ZNF18: variants seen among roughly 807,000 people sequenced by gnomAD.
ZNF18 encodes heart development-specific gene 1 protein.
A neutral mutation model predicts 58.1 loss-of-function variants in ZNF18; 42 were observed. The ratio of observed to expected loss-of-function variants is 0.72; its 90% CI spans 0.56 to 0.93. ZNF18 has a LOEUF of 0.93. Ranked by LOEUF, ZNF18 falls within the 40% of genes least tolerant of loss-of-function variation. The probability of loss-of-function intolerance (pLI) is 0.00; values close to 1 mark genes in which losing one functional copy is unlikely to be tolerated. For synonymous variants in ZNF18, 231 were observed against 239.8 expected (o/e 0.96, Z 0.34); for missense variants, 540 against 644.2 (o/e 0.84, Z 1.75).
chr17:11,998,822 C>CTTTT (rs71142260), upstream of ZNF18, among the ~76,000 whole-genome samples: 2 of 108,520 alleles, frequency 1.8e-5, no homozygotes, highest in African/African-American at 3.7e-5. Flanking sequence ...AGTTTCTAGT[C>CTTTT]TTTTTTTTTT....
the ZNF18 span, among the ~76,000 whole-genome samples, chr17:12,008,135 G>C: frequency 2.2e-3 from 329 of 152,240 alleles, 2 homozygotes; most frequent in African/African-American, 7.4e-3. Context: ...GAAGAGGCTG[G>C]TTACCCGGAA....
intron 4 of ZNF18, among the ~76,000 whole-genome samples, chr17:11,987,481 G>A (rs1967827180): frequency 6.6e-6 from 1 of 152,142 alleles, no homozygotes. Flanking sequence ...GTTTGGAGGG[G>A]ATATTCAGAT....
At chr17:11,980,513 C>A (rs1967270583) in intron 6 of ZNF18, among the ~76,000 whole-genome samples, 1 of 152,016 alleles carries the variant, frequency 6.6e-6, no homozygotes, top group South Asian at 2.1e-4. Context: ...CTCTGCCTCC[C>A]AGGTTCAAGC....
chr17:11,977,788 C>T lies in ZNF18; in HGVS notation c.*169G>A. ...AATTTAAGCCATTGTGCAATCCAATCCAAGATATCCTCCAAGTCCAAAGCC... is the reference window on the plus strand; with the variant it reads ...AATTTAAGCCATTGTGCAATCCAATTCAAGATATCCTCCAAGTCCAAAGCC... On this transcript the variant is annotated 3_prime_UTR_variant, in exon 7 of 7. Coordinates refer to ENST00000580306, the MANE Select transcript of ZNF18 (RefSeq NM_001303281.2). 1 of 733,052 alleles carries T rather than the reference C, an allele frequency of 1.4e-6. No individual in the cohort carries two copies. The highest frequency in any genetic ancestry group is 2.1e-6 in the Non-Finnish European group (1 of 468,694). The allele number at this position is 733,052 out of a possible 1,614,324, so 45.4% of individuals were successfully genotyped here. A position where few individuals can be genotyped will look rare whatever the true frequency, so the allele number is the denominator to read the frequency against.
At chr17:11,991,496 C>G (rs1358953256) in intron 2 of ZNF18, among the ~76,000 whole-genome samples, 1 of 152,228 alleles carries the variant, frequency 6.6e-6, no homozygotes, top group Non-Finnish European at 1.5e-5. Flanking sequence ...GGAGACTTTA[C>G]CCTCAATCCT....
At chr17:12,011,142 G>T in the ZNF18 span, 1 of 606,458 alleles carries the variant, frequency 1.6e-6, no homozygotes, top group Non-Finnish European at 3.0e-6. Context: ...CCTGTGCACG[G>T]CCAAAGGAAC....
chr17:12,008,065 C>T, the ZNF18 span, among the ~76,000 whole-genome samples: 2 of 152,102 alleles, frequency 1.3e-5, no homozygotes, highest in Non-Finnish European at 2.9e-5. Context: ...TCGGGTTGCC[C>T]GTGGAGATAC....
the ZNF18 span, chr17:12,021,042 C>A: frequency 8.7e-7 from 1 of 1,145,596 alleles, no homozygotes. Context: ...CCCCCTAGCG[C>A]GGCAACCCGC....
intron 6 of ZNF18, among the ~76,000 whole-genome samples, chr17:11,980,227 T>A (rs1161701681): frequency 6.6e-6 from 1 of 152,194 alleles, no homozygotes; most frequent in Non-Finnish European, 1.5e-5. Context: ...GCCATTTAGA[T>A]GGATGAAAAG....
chr17:12,019,297 T>TGA, the ZNF18 span, among the ~76,000 whole-genome samples: 3 of 3,150 alleles, frequency 9.5e-4, no homozygotes, highest in Non-Finnish European at 2.6e-3. Flanking sequence ...ATATTGGATG[T>TGA]GTGTGTGTGT....
At chr17:11,989,054 G>A (rs2151480426) in intron 4 of ZNF18, among the ~76,000 whole-genome samples, 1 of 152,158 alleles carries the variant, frequency 6.6e-6, no homozygotes, top group South Asian at 2.1e-4. Context: ...AGCTACTCAG[G>A]AGACTGAGGC....
In ZNF18 at chr17:11,990,427, A is replaced by C; in HGVS notation, c.666+35T>G. On this transcript the variant is annotated intron_variant, in intron 4 of 6. Coordinates refer to ENST00000580306, the MANE Select transcript of ZNF18 (RefSeq NM_001303281.2). ...GAGGATGAGATTATAAAAGGTAAAA[A>C]GTTTCCTTTTCATCGCTTTTGTACG... 1.3e-6 allele frequency: 2 copies of C among 1,571,822 alleles called. 1 individual carries two copies. The highest frequency in any genetic ancestry group is 2.7e-5 in the African/African-American group (2 of 74,398).
chr17:12,021,035 C>G, the ZNF18 span: 1 of 1,170,304 alleles, frequency 8.5e-7, no homozygotes, highest in African/African-American at 1.6e-5. Context: ...ATCCCAGCCC[C>G]CTAGCGCGGC....
At chr17:12,014,825 C>T in the ZNF18 span, among the ~76,000 whole-genome samples, 6 of 152,076 alleles carry the variant, frequency 3.9e-5, no homozygotes, top group Admixed American at 6.6e-5. Flanking sequence ...CCGAGGCAGG[C>T]GGATCACAAA....
chr17:12,016,630 CT>C, the ZNF18 span, among the ~76,000 whole-genome samples: 317 of 145,138 alleles, frequency 2.2e-3, no homozygotes, highest in African/African-American at 3.7e-3. Context: ...GTGCCCAGTC[CT>C]TTTTTTTTTT....
intron 6 of ZNF18, among the ~76,000 whole-genome samples, chr17:11,979,939 C>G (rs1177840651): frequency 6.6e-6 from 1 of 152,172 alleles, no homozygotes; most frequent in East Asian, 1.9e-4. Context: ...ATTTGTTCCC[C>G]TACCATGGAA....
the ZNF18 span, among the ~76,000 whole-genome samples, chr17:12,018,390 A>C: frequency 6.6e-6 from 1 of 152,184 alleles, no homozygotes; most frequent in Non-Finnish European, 1.5e-5. Context: ...GTGTAGGCAG[A>C]GTTGGTGTCT....
chr17:12,019,623 T>C, the ZNF18 span, among the ~76,000 whole-genome samples: 1 of 152,098 alleles, frequency 6.6e-6, no homozygotes, highest in Non-Finnish European at 1.5e-5. Context: ...CAATTTGCCT[T>C]TAATGCCTCT....
the ZNF18 span, among the ~76,000 whole-genome samples, chr17:12,020,463 G>C: frequency 8.5e-5 from 13 of 152,280 alleles, no homozygotes; most frequent in African/African-American, 3.1e-4. Context: ...GACTGGAGGA[G>C]AAAGGGATCC....
Sources: allele counts gnomAD v4.1 joint callset (sites outside exome capture counted in the v4.1 genomes callset), GRCh38; gene constraint gnomAD v4.1.1; transcripts MANE v1.5; gene names NCBI Gene and HGNC (gene_info 2026-07-23, HGNC 2026-07-21).